Variants in TEX29 observed in about 807,000 individuals in gnomAD.
TEX29 encodes testis-expressed protein 29.
Under a neutral mutation model 18.2 loss-of-function variants are expected in TEX29, and 26 were observed. The observed-to-expected ratio is 1.43, with a 90% CI of 1.04 to 1.98. The LOEUF is 1.98. Among genes scored for constraint, TEX29 ranks in the 30% most tolerant of loss-of-function variants. TEX29 has a pLI of 0.00. For synonymous variants in TEX29, 83 were observed against 78.5 expected, an observed-to-expected ratio of 1.06 and a Z score of -0.31; for missense variants, 177 against 194.2, an observed-to-expected ratio of 0.91 and a Z score of 0.53.
At chr13:111,342,174 C>T (rs960906417) in intron 4 of TEX29, among the ~76,000 whole-genome samples, 1 of 152,208 alleles carries the variant, frequency 6.6e-6, no homozygotes, top group African/African-American at 2.4e-5. Flanking sequence ...CACCATGAGC[C>T]CACTCTGTGT....
At chr13:111,320,972 G>A (rs1567156879) in intron 2 of TEX29, 24 bp downstream of exon 2, 2 of 1,536,080 alleles carry the variant, frequency 1.3e-6, no homozygotes, top group Admixed American at 1.8e-5. Flanking sequence ...GCGCCAGGGG[G>A]GCGGGTGGGG....
At chr13:111,328,345 C>A in intron 3 of TEX29, 52 bp downstream of exon 3, 2 of 1,278,176 alleles carry the variant, frequency 1.6e-6, no homozygotes, top group South Asian at 1.2e-5. Flanking sequence ...AGCTGGTGAC[C>A]ATGCCGACCA....
Position 111,320,914 on chromosome 13 carries a change from G to T in TEX29, c.24G>T (p.Lys8Asn). 1 of 1,464,668 alleles carries T rather than the reference G, an allele frequency of 6.8e-7. No homozygotes were observed. Among genetic ancestry groups the T allele is most frequent in the Non-Finnish European group, 9.2e-7 (1 of 1,088,452 alleles). The allele number at this position is 1,464,668 out of a possible 1,614,324, so 90.7% of individuals were successfully genotyped here. ...CAATGGAATACGTGCTGGAAGTGAA[G>T]AACTCTCCGCGGCACCTCCTGAAGC... is the stretch of plus-strand genomic sequence containing the variant. MEYVLEV[K>N]NSPRHLLKQF... Residue 8 changes from lysine to asparagine, a missense_variant, in exon 2 of 6, where the codon AAG becomes AAT. By Grantham distance (94) the Lys-to-Asn change is moderately conservative (BLOSUM62 0). Coordinates refer to ENST00000283547, the MANE Select transcript of TEX29 (RefSeq NM_152324.3).
chr13:111,319,094 C>T (rs2093659431), upstream of TEX29, among the ~76,000 whole-genome samples: 1 of 152,178 alleles, frequency 6.6e-6, no homozygotes, highest in African/African-American at 2.4e-5. Context: ...TCACGACCTC[C>T]TCACCTTCCA....
chr13:111,320,978 T>TGGGGG, intron 2 of TEX29, 30 bp downstream of exon 2: 2 of 152,326 alleles, frequency 1.3e-5, no homozygotes, highest in Non-Finnish European at 1.1e-5. Context: ...GGGGGGCGGG[T>TGGGGG]GGGGTGGGGG....
At chr13:111,323,062 G>A (rs1462537978) in intron 2 of TEX29, among the ~76,000 whole-genome samples, 1 of 152,222 alleles carries the variant, frequency 6.6e-6, no homozygotes, top group Admixed American at 6.5e-5. Context: ...TCTGTGGCCG[G>A]GTGCAGTGCA....
intron 3 of TEX29, among the ~76,000 whole-genome samples, chr13:111,336,586 A>G (rs1360115195): frequency 6.6e-6 from 1 of 152,112 alleles, no homozygotes; most frequent in Non-Finnish European, 1.5e-5. Context: ...GATTTAGGGT[A>G]TGTTATTTAA....
chr13:111,337,362 G>A (rs2093690939), intron 3 of TEX29, among the ~76,000 whole-genome samples: 1 of 152,136 alleles, frequency 6.6e-6, no homozygotes, highest in Non-Finnish European at 1.5e-5. Flanking sequence ...CACTTTGCTG[G>A]GAAGTTGATA....
intron 2 of TEX29, 81 bp downstream of exon 2, chr13:111,321,029 C>G: frequency 6.7e-7 from 1 of 1,482,190 alleles, no homozygotes; most frequent in East Asian, 2.5e-5. Flanking sequence ...GTTTGAGCCC[C>G]TGGCGCGGAC....
At chr13:111,337,126 C>G (rs1018026526) in intron 3 of TEX29, among the ~76,000 whole-genome samples, 8 of 152,184 alleles carry the variant, frequency 5.3e-5, no homozygotes, top group African/African-American at 1.9e-4. Context: ...TCAATTCGAT[C>G]GATTCTGTTT....
At chr13:111,325,147 G>A (rs9588398) in intron 2 of TEX29, among the ~76,000 whole-genome samples, 5,013 of 152,266 alleles carry the variant, frequency 0.033, 153 homozygotes, top group African/African-American at 0.077. Context: ...AGATTGATTG[G>A]TTTAACCCCA....
At chr13:111,329,237 G>A (rs2093679016) in intron 3 of TEX29, among the ~76,000 whole-genome samples, 1 of 152,110 alleles carries the variant, frequency 6.6e-6, no homozygotes, top group South Asian at 2.1e-4. Flanking sequence ...CCTCGGGAGG[G>A]AACAGTGCAG....
chr13:111,343,941 A>G, intron 5 of TEX29, 142 bp from the exon 6 acceptor site: 1 of 702,048 alleles, frequency 1.4e-6, no homozygotes, highest in Admixed American at 2.3e-5. Context: ...ATAGGAGGAT[A>G]CGGCCATCCC....
At chr13:111,324,275 C>A (rs1378769683) in intron 2 of TEX29, among the ~76,000 whole-genome samples, 1 of 152,224 alleles carries the variant, frequency 6.6e-6, no homozygotes, top group African/African-American at 2.4e-5. Flanking sequence ...GAACCCTCAG[C>A]TGGGACATTC....
At chr13:111,327,222 T>C (rs1018721615) in intron 2 of TEX29, among the ~76,000 whole-genome samples, 1 of 152,228 alleles carries the variant, frequency 6.6e-6, no homozygotes, top group African/African-American at 2.4e-5. Flanking sequence ...GTGTCCATGA[T>C]GCTTCTGACA....
intron 2 of TEX29, 40 bp downstream of exon 2, chr13:111,320,988 G>T: frequency 4.6e-6 from 2 of 431,432 alleles, no homozygotes; most frequent in Non-Finnish European, 4.3e-6. Flanking sequence ...TGGGGTGGGG[G>T]AGCAGTTGGG....
chr13:111,337,555 G>T (rs1359688466), intron 3 of TEX29, among the ~76,000 whole-genome samples: 1 of 151,922 alleles, frequency 6.6e-6, no homozygotes, highest in African/African-American at 2.4e-5. Context: ...CATCTCCTTT[G>T]GCTCCAGGGA....
chr13:111,320,287 G>C (rs2093661641), upstream of TEX29, among the ~76,000 whole-genome samples: 1 of 152,208 alleles, frequency 6.6e-6, no homozygotes, highest in Non-Finnish European at 1.5e-5. Context: ...ATTTGGTTTT[G>C]TTCTCTGCTG....
At chr13:111,318,440 G>A (rs2093658210), upstream of TEX29, among the ~76,000 whole-genome samples, 1 of 152,214 alleles carries the variant, frequency 6.6e-6, no homozygotes, top group Non-Finnish European at 1.5e-5. Context: ...CATGCTGGCT[G>A]CTCCGTCCTG....
Sources: allele counts gnomAD v4.1 joint callset (sites outside exome capture counted in the v4.1 genomes callset), GRCh38; gene constraint gnomAD v4.1.1; transcripts MANE v1.5; gene names NCBI Gene and HGNC (gene_info 2026-07-23, HGNC 2026-07-21).